The following FBN1 variants were observed in gnomAD, a reference collection of about 807,000 sequenced individuals.
FBN1 encodes fibrillin-1.
A neutral mutation model predicts 365.1 loss-of-function variants in FBN1; 29 were observed. The observed-to-expected ratio is 0.08, with a 90% CI of 0.06 to 0.11. The LOEUF (loss-of-function observed/expected upper bound fraction) is 0.11, where lower values mean the gene tolerates loss of function less well. Among genes scored for constraint, FBN1 ranks in the 10% least tolerant of loss-of-function variants. FBN1 has a pLI of 1.00. For synonymous variants in FBN1, 1,210 were observed against 1,270.5 expected, an observed-to-expected ratio of 0.95 and a Z score of 1.01; for missense variants, 2,476 against 3,703.2, an observed-to-expected ratio of 0.67 and a Z score of 8.60.
intron 2 of FBN1, among the ~76,000 whole-genome samples, chr15:48,617,788 A>G (rs1889686067): frequency 6.6e-6 from 1 of 152,188 alleles, no homozygotes; most frequent in African/African-American, 2.4e-5. Context: ...ACATCATTGC[A>G]AGACTTGGCC....
In FBN1 at chr15:48,427,634, A is replaced by G; in HGVS notation, c.7137T>C (p.Pro2379=). Reference sequence around the variant, plus strand: ...TCTTGAAAGCCACAGTCCCCTGGAAAGGGCAGATCTCACAGTGGGGACCCC... The same window carrying G: ...TCTTGAAAGCCACAGTCCCCTGGAAGGGGCAGATCTCACAGTGGGGACCCC... The part of the protein sequence containing the change: ...RGWGPHCEIC[P]FQGTVAFKKL... Residue 2379 remains proline (P), a synonymous_variant, in exon 58 of 66, where the codon CCT becomes CCC. Coordinates refer to ENST00000316623, the MANE Select transcript of FBN1 (RefSeq NM_000138.5). 6.2e-7 allele frequency: 1 copy of G among 1,614,178 alleles called. No homozygotes were observed. The highest frequency in any genetic ancestry group is 8.5e-7 in the Non-Finnish European group (1 of 1,180,000).
Position 48,497,335 on chromosome 15 carries a change from G to T in FBN1, c.2224C>A (p.Leu742Ile). 6.2e-7 allele frequency: 1 copy of T among 1,613,798 alleles called. No individual in the cohort carries two copies. The highest frequency in any genetic ancestry group is 1.1e-5 in the South Asian group (1 of 91,064). ...CATATACATTTATAGGTCCCACGAA[G>T]GTTTTCACAGATTCCATTTGGGCAA... ...DICPNGICEN[L>I]RGTYKCICNS... is the part of the protein sequence containing the mutation. The change falls in exon 19 of 66, where the codon CTT becomes ATT. Residue 742 changes from leucine (L) to isoleucine (I), a missense_variant. Leu to Ile is a conservative substitution (Grantham distance 5, BLOSUM62 2). Coordinates refer to ENST00000316623, the MANE Select transcript of FBN1 (RefSeq NM_000138.5).
At chr15:48,433,497 C>G (rs2141235805) in intron 54 of FBN1, among the ~76,000 whole-genome samples, 1 of 152,294 alleles carries the variant, frequency 6.6e-6, no homozygotes, top group South Asian at 2.1e-4. Context: ...TTCTTCTGCC[C>G]AAGCAAATAG....
chr15:48,470,650 G>A lies in FBN1; in HGVS notation c.4443C>T (p.Ser1481=), dbSNP rs145040593. ...ECEIGYELDR[S]GGNCTDVNEC... ...AGGTCTTACCTGTGCAGTTCCCGCC[G>A]CTTCTGTCCAGTTCGTAGCCTATCT... is the stretch of plus-strand genomic sequence containing the variant. Residue 1481 remains serine, a synonymous_variant, in exon 36 of 66, where the codon AGC becomes AGT. Transcript: ENST00000316623. 94 of 1,614,002 alleles carry A rather than the reference G, an allele frequency of 5.8e-5. No individual in the cohort carries two copies. The African/African-American group carries it at 1.1e-3, about 19-fold the overall frequency.
At chr15:48,445,330 G>A in intron 48 of FBN1, 46 bp downstream of exon 48, 1 of 1,604,110 alleles carries the variant, frequency 6.2e-7, no homozygotes, top group Non-Finnish European at 8.5e-7. Context: ...TCCTTGAGTG[G>A]TCTCTGGAAG....
intron 2 of FBN1, among the ~76,000 whole-genome samples, chr15:48,615,995 T>C (rs1230683567): frequency 1.3e-5 from 2 of 152,234 alleles, no homozygotes; most frequent in African/African-American, 4.8e-5. Flanking sequence ...CAACTGTTCA[T>C]TTTAAAATAT....
chr15:48,506,858 G>C lies in FBN1; in HGVS notation c.1838-1711C>G, dbSNP rs556657163. Among the ~76,000 whole-genome samples the C allele has an allele frequency of 5.9e-5, 9 of 152,178 alleles. No individual in the cohort carries two copies. In the South Asian group the frequency reaches 1.9e-3, roughly 32 times the overall value. ...ATCCTTTAGTCTTATTACAGTGTGT[G>C]TACTCTATGCTCTATAAGCTAGAAA... On this transcript the variant is annotated intron_variant, in intron 15 of 65. Coordinates refer to ENST00000316623, the MANE Select transcript of FBN1 (RefSeq NM_000138.5).
intron 6 of FBN1, among the ~76,000 whole-genome samples, chr15:48,577,610 G>A (rs1760429457): frequency 1.3e-5 from 2 of 152,070 alleles, no homozygotes; most frequent in African/African-American, 4.8e-5. Flanking sequence ...AAAACAGACA[G>A]ACTGGCCTCT....
At chr15:48,424,441 A>G (rs1226295440) in intron 60 of FBN1, among the ~76,000 whole-genome samples, 1 of 151,942 alleles carries the variant, frequency 6.6e-6, no homozygotes, top group Non-Finnish European at 1.5e-5. Context: ...CCCACCCTCC[A>G]CCCTTCTAGC....
chr15:48,468,035 G>A lies in FBN1; in HGVS notation c.4650C>T (p.Ser1550=), dbSNP rs933962712. Residue 1550 remains serine (S), a synonymous_variant, in exon 38 of 66, where the codon AGC becomes AGT. Transcript: ENST00000316623. ...TGGAAACACCAACTCCAATTTCATTGCTGCAGGCTGTATCTCCATTGTCTC... is the reference window on the plus strand; with the variant it reads ...TGGAAACACCAACTCCAATTTCATTACTGCAGGCTGTATCTCCATTGTCTC... The part of the protein sequence containing the change: ...PRGDNGDTAC[S]NEIGVGVSKA... The A allele has an allele frequency of 1.4e-5, 22 of 1,613,990 alleles. No homozygotes were observed. Among genetic ancestry groups the A allele is most frequent in the Non-Finnish European group, 1.8e-5 (21 of 1,180,008 alleles).
chr15:48,448,704 A>G, intron 46 of FBN1, 64 bp downstream of exon 46: 1 of 1,502,378 alleles, frequency 6.7e-7, no homozygotes, highest in Non-Finnish European at 9.1e-7. Flanking sequence ...AATTTTATCC[A>G]TATTTAGAAT....
At chr15:48,539,626 A>G (rs949097860) in intron 6 of FBN1, among the ~76,000 whole-genome samples, 5 of 152,296 alleles carry the variant, frequency 3.3e-5, no homozygotes, top group Non-Finnish European at 7.3e-5. Context: ...AAATACTAGT[A>G]CAGGTGATAT....
At position 48,456,658 on chromosome 15, in the gene FBN1, C is replaced by T. The variant is rs371112266; in HGVS notation, c.5401G>A (p.Asp1801Asn). 6.2e-7 allele frequency: 1 copy of T among 1,613,818 alleles called. No individual in the cohort carries two copies. Among genetic ancestry groups the T allele is most frequent in the African/African-American group, 1.3e-5 (1 of 74,912 alleles). ...TTACCTTCACAAACCAACAACTTGTCATTATAGAAGAATCCCACTGGACAT... is the reference window on the plus strand; with the variant it reads ...TTACCTTCACAAACCAACAACTTGTTATTATAGAAGAATCCCACTGGACAT... ...CECPVGFFYN[D>N]KLLVCEDIDE... is the part of the protein sequence containing the mutation. The change falls in exon 44 of 66, where the codon GAC (aspartate) becomes AAC (asparagine). Residue 1801 changes from aspartate to asparagine, a missense_variant. Transcript: ENST00000316623.
Position 48,502,527 on chromosome 15 carries a change from A to T in FBN1, c.2113+1260T>A, listed in dbSNP as rs2043669951. 2.0e-5 allele frequency among the ~76,000 whole-genome samples: 3 copies of T among 152,198 alleles called. No individual in the cohort carries two copies. The South Asian group carries it at 6.2e-4, about 32-fold the overall frequency. ...AACTGACTAAATCCTATATGTAAAA[A>T]CAACCAACCAGAGCTACATATTTTC... On this transcript the variant is annotated intron_variant, in intron 17 of 65. Coordinates refer to ENST00000316623, the MANE Select transcript of FBN1 (RefSeq NM_000138.5).
chr15:48,410,939 T>C lies in FBN1; in HGVS notation c.*51A>G, dbSNP rs779555895. The C allele has an allele frequency of 2.0e-6, 3 of 1,472,426 alleles. No individual in the cohort carries two copies. The highest frequency in any genetic ancestry group is 9.4e-7 in the Non-Finnish European group (1 of 1,059,316). The allele number at this position is 1,472,426 out of a possible 1,614,324, so 91.2% of individuals were successfully genotyped here. A position where few individuals can be genotyped will look rare whatever the true frequency, so the allele number is the denominator to read the frequency against. On this transcript the variant is annotated 3_prime_UTR_variant, in exon 66 of 66. Transcript: ENST00000316623. ...TTCTGATTGGGGGAAAATATAGTTC[T>C]ACCTATCTATATTTGTTTTTCTTTT...
At chr15:48,574,931 T>C (rs1185118185) in intron 6 of FBN1, among the ~76,000 whole-genome samples, 1 of 152,248 alleles carries the variant, frequency 6.6e-6, no homozygotes, top group Non-Finnish European at 1.5e-5. Flanking sequence ...AAGATATTAA[T>C]ACTAAAATCT....
chr15:48,565,721 G>A (rs2044254999), intron 6 of FBN1, among the ~76,000 whole-genome samples: 1 of 151,908 alleles, frequency 6.6e-6, no homozygotes, highest in South Asian at 2.1e-4. Context: ...TCTGTACCCA[G>A]GGAAACCATT....
At chr15:48,502,328 G>A (rs999621696) in intron 17 of FBN1, among the ~76,000 whole-genome samples, 37 of 152,204 alleles carry the variant, frequency 2.4e-4, no homozygotes, top group African/African-American at 8.7e-4. Context: ...TTACAGGTGT[G>A]AGGCACCATG....
Position 48,487,840 on chromosome 15 carries a change from T to C in FBN1, c.3337+273A>G, listed in dbSNP as rs768106740. Among the ~76,000 whole-genome samples, 14 of 152,328 alleles carry C rather than the reference T, an allele frequency of 9.2e-5. No homozygotes were observed. In the South Asian group the frequency reaches 1.0e-3, roughly 11 times the overall value. ...CTTGTAAAGGGACCTCTACTACAGC[T>C]TCTGTCTCAATTGTCCTCTCTTCCG... On this transcript the variant is annotated intron_variant, in intron 27 of 65. Coordinates refer to ENST00000316623, the MANE Select transcript of FBN1 (RefSeq NM_000138.5).
Sources: gnomAD v4.1 joint callset for allele counts (sites outside exome capture counted in the v4.1 genomes callset) on GRCh38, gnomAD v4.1.1 for gene constraint, MANE v1.5 for transcripts, NCBI Gene and HGNC (gene_info 2026-07-23, HGNC 2026-07-21) for gene names.